The following DAPK2 variants were observed in gnomAD, a reference collection of about 807,000 sequenced individuals.
DAPK2 encodes death-associated protein kinase 2.
In DAPK2, 35 loss-of-function variants were observed where a neutral mutation model predicts 44.1. The observed-to-expected ratio is 0.79, with a 90% CI of 0.61 to 1.05. The LOEUF (loss-of-function observed/expected upper bound fraction) is 1.05. Ranked by LOEUF, DAPK2 falls within the 50% of genes least tolerant of loss-of-function variation. The pLI, the probability that DAPK2 is intolerant of heterozygous loss-of-function variation, is 0.00. For synonymous variants in DAPK2, 174 were observed against 182.6 expected (o/e 0.95, Z 0.38); for missense variants, 453 against 483.2 (o/e 0.94, Z 0.59).
chr15:64,006,102 A>G (rs953382987), intron 1 of DAPK2, among the ~76,000 whole-genome samples: 2 of 150,744 alleles, frequency 1.3e-5, no homozygotes, highest in Non-Finnish European at 2.9e-5. Flanking sequence ...CCAGCTCAGC[A>G]TGGTTCTCCC....
At position 63,974,614 on chromosome 15, in the gene DAPK2, C is replaced by T. The variant is rs116839947; in HGVS notation, c.315-3053G>A. Among the ~76,000 whole-genome samples the T allele has an allele frequency of 4.5e-3, 682 of 152,302 alleles. 7 individuals carry two copies. The highest frequency in any genetic ancestry group is 0.015 in the African/African-American group (644 of 41,564). ...TATGTAGATGAAGTCTCACAGGTGG[C>T]TGCCCTTGGAGGCAATAGATGGCAA... On this transcript the variant is annotated intron_variant, in intron 2 of 10. Coordinates refer to ENST00000261891, the Ensembl canonical transcript of DAPK2.
chr15:63,980,828 G>A lies in DAPK2; in HGVS notation c.314+2705C>T, dbSNP rs543864480. Among the ~76,000 whole-genome samples, 26 of 152,156 alleles carry A rather than the reference G, an allele frequency of 1.7e-4. No homozygotes were observed. Among genetic ancestry groups the A allele is most frequent in the Non-Finnish European group, 3.4e-4 (23 of 68,036 alleles). ...ATTGGGTCGGGGTGCGGTGGCTCAC[G>A]CCTGTAATCCCAACGCTTTGGGAGG... On this transcript the variant is annotated intron_variant, in intron 2 of 10. Coordinates refer to ENST00000261891, the Ensembl canonical transcript of DAPK2. This position sits in a 1 kb window ranked among gnomAD's most constrained non-coding sequence, Gnocchi z 4.3.
chr15:63,971,790 T>C (rs1209813464), intron 2 of DAPK2, among the ~76,000 whole-genome samples: 1 of 152,172 alleles, frequency 6.6e-6, no homozygotes, highest in East Asian at 1.9e-4. Flanking sequence ...ACCCTGGAGG[T>C]GTTGTCAGAA....
At chr15:63,998,871 G>A (rs916896750) in intron 1 of DAPK2, among the ~76,000 whole-genome samples, 3 of 152,152 alleles carry the variant, frequency 2.0e-5, no homozygotes, top group Non-Finnish European at 2.9e-5. Flanking sequence ...AGCAAGCACC[G>A]GGAACACAAA....
chr15:64,038,995 C>T (rs1049231510), intron 1 of DAPK2, among the ~76,000 whole-genome samples: 1 of 152,168 alleles, frequency 6.6e-6, no homozygotes, highest in Admixed American at 6.5e-5. Context: ...ACCTGGAAGC[C>T]CCCTCCCCAT....
intron 1 of DAPK2, among the ~76,000 whole-genome samples, chr15:64,036,271 ATATGTGTGTGTGTGTG>A (rs1187453459): frequency 3.5e-5 from 3 of 85,308 alleles, no homozygotes; most frequent in African/African-American, 7.7e-5. Context: ...AAATATATAT[ATATGTGTGTGTGTGTG>A]TGTGTGTGTG....
At chr15:63,952,563 G>A (rs2077619321) in intron 3 of DAPK2, among the ~76,000 whole-genome samples, 1 of 152,124 alleles carries the variant, frequency 6.6e-6, no homozygotes, top group African/African-American at 2.4e-5. Flanking sequence ...GCCCGAGAAT[G>A]TCATGCTAAG....
chr15:63,942,023 C>T (rs1187805060), intron 3 of DAPK2, among the ~76,000 whole-genome samples: 2 of 152,230 alleles, frequency 1.3e-5, no homozygotes, highest in African/African-American at 4.8e-5. Context: ...GGCTGAAGGG[C>T]CATGGCCCAG....
intron 1 of DAPK2, among the ~76,000 whole-genome samples, chr15:64,036,262 AAT>A (rs55776324): frequency 0.67 from 55,484 of 82,844 alleles, 21,219 homozygotes; most frequent in East Asian, 0.91. Context: ...TCCATCTCAA[AAT>A]ATATATATAT....
At chr15:64,024,561 A>G (rs2079782546) in intron 1 of DAPK2, among the ~76,000 whole-genome samples, 1 of 152,172 alleles carries the variant, frequency 6.6e-6, no homozygotes, top group Non-Finnish European at 1.5e-5. Flanking sequence ...TATGAGTGCA[A>G]AGCACCAAGG....
chr15:63,990,397 C>T lies in DAPK2; in HGVS notation c.93-6643G>A, dbSNP rs1465793576. Among the ~76,000 whole-genome samples the T allele has an allele frequency of 6.7e-6, 1 of 149,806 alleles. No individual in the cohort carries two copies. Among genetic ancestry groups the T allele is most frequent in the Non-Finnish European group, 1.5e-5 (1 of 67,700 alleles). ...GAGCTGAGATCGCACCGCTGCACTC[C>T]AGCCTGGGTGACAGAGCAAGACTCC... On this transcript the variant is annotated intron_variant, in intron 1 of 10. Transcript: ENST00000261891. The surrounding 1 kb of genome is among the most constrained non-coding windows in gnomAD (Gnocchi z 4.3).
intron 3 of DAPK2, among the ~76,000 whole-genome samples, chr15:63,956,750 C>T (rs2077735891): frequency 6.6e-6 from 1 of 152,130 alleles, no homozygotes; most frequent in African/African-American, 2.4e-5. Flanking sequence ...CCACACCTGG[C>T]TAATTTTTTT....
At chr15:63,929,043 A>G (rs967440542) in intron 6 of DAPK2, among the ~76,000 whole-genome samples, 6 of 152,124 alleles carry the variant, frequency 3.9e-5, no homozygotes, top group African/African-American at 1.4e-4. Flanking sequence ...TCTACTAAAA[A>G]TACAAAATTA....
In DAPK2 at chr15:64,046,315, CCGCGGT is replaced by C. The variant is rs1231204168; in HGVS notation, c.-30_-25del. 1.0e-6 allele frequency: 1 copy of C among 979,622 alleles called. No individual in the cohort carries two copies. Among genetic ancestry groups the C allele is most frequent in the Non-Finnish European group, 1.2e-6 (1 of 827,948 alleles). The allele number at this position is 979,622 out of a possible 1,614,324, so 60.7% of individuals were successfully genotyped here. A position where few individuals can be genotyped will look rare whatever the true frequency, so the allele number is the denominator to read the frequency against. ...CTACTCACGGCGGGAGGCTGAGCTG[CCGCGGT>C]CGCGGCCGCGGCAGGCGCGGCGGGA... On this transcript the variant is annotated 5_prime_UTR_variant, in exon 1 of 12. Coordinates refer to the DAPK2 transcript ENST00000457488. This position sits in a 1 kb window ranked among gnomAD's most constrained non-coding sequence, Gnocchi z 5.3.
intron 1 of DAPK2, among the ~76,000 whole-genome samples, chr15:64,036,313 ATATATG>A (rs1206791804): frequency 1.0e-5 from 1 of 98,594 alleles, no homozygotes; most frequent in African/African-American, 3.3e-5. Flanking sequence ...GTGTGTGTAT[ATATATG>A]TATATATATA....
At chr15:63,942,565 C>T (rs530641835) in intron 3 of DAPK2, among the ~76,000 whole-genome samples, 1 of 150,822 alleles carries the variant, frequency 6.6e-6, no homozygotes, top group African/African-American at 2.4e-5. Context: ...AAAACAACAA[C>T]AAAAAAAACA....
intron 3 of DAPK2, among the ~76,000 whole-genome samples, chr15:63,944,223 C>T (rs541737544): frequency 1.3e-5 from 2 of 152,132 alleles, no homozygotes; most frequent in Non-Finnish European, 2.9e-5. Flanking sequence ...TCTGTTGGGT[C>T]GTCAGGACCC....
Position 64,026,527 on chromosome 15 carries a change from A to C in DAPK2, c.92+13643T>G, listed in dbSNP as rs1595907948. 2.0e-5 allele frequency among the ~76,000 whole-genome samples: 3 copies of C among 152,292 alleles called. No homozygotes were observed. The East Asian group carries it at 5.8e-4, about 29-fold the overall frequency. On this transcript the variant is annotated intron_variant, in intron 1 of 10. Transcript: ENST00000261891. ...CCAAAGTGCTGGGATTACAGGAGTG[A>C]GCCACAGCACCCAGCCTGATAGGGT... is the stretch of plus-strand genomic sequence containing the variant.
intron 1 of DAPK2, among the ~76,000 whole-genome samples, chr15:63,988,181 G>C (rs74021216): frequency 0.026 from 4,008 of 152,258 alleles, 178 homozygotes; most frequent in African/African-American, 0.093. Context: ...GCACCTGGGA[G>C]GACAAGTGGG....
Sources: allele counts gnomAD v4.1 joint callset (sites outside exome capture counted in the v4.1 genomes callset), GRCh38; gene constraint gnomAD v4.1.1; non-coding constraint Gnocchi (gnomAD v3.1); transcripts MANE v1.5; gene names NCBI Gene and HGNC (gene_info 2026-07-23, HGNC 2026-07-21).